Variants in IL20RA observed in about 807,000 individuals in gnomAD.
IL20RA encodes interleukin 20 receptor subunit alpha, also known as interleukin-20 receptor subunit alpha.
In IL20RA, 29 loss-of-function variants were observed where a neutral mutation model predicts 36.5. The ratio of observed to expected loss-of-function variants is 0.79; its 90% CI spans 0.59 to 1.08. The LOEUF is 1.08. Ranked by LOEUF, IL20RA falls within the 50% of genes least tolerant of loss-of-function variation. The pLI is 0.00. For missense variants in IL20RA, 652 were observed against 668.4 expected (o/e 0.98, Z 0.27); for synonymous variants, 279 against 267.1 (o/e 1.04, Z -0.43).
chr6:137,004,332 C>T (rs899498633), intron 6 of IL20RA, among the ~76,000 whole-genome samples: 1 of 151,910 alleles, frequency 6.6e-6, no homozygotes, highest in Non-Finnish European at 1.5e-5. Context: ...TGCATTACCA[C>T]ATCCAGCTAA....
chr6:137,002,084 C>T lies in IL20RA; in HGVS notation c.1136G>A (p.Gly379Asp), dbSNP rs373486228. 4 of 1,614,084 alleles carry T rather than the reference C, an allele frequency of 2.5e-6. No homozygotes were observed. Among genetic ancestry groups the T allele is most frequent in the African/African-American group, 2.7e-5 (2 of 74,996 alleles). The change falls in exon 7 of 7, where the codon GGT becomes GAT. Residue 379 changes from glycine (G) to aspartate (D), a missense_variant. By Grantham distance (94) the Gly-to-Asp change is moderately conservative. Coordinates refer to ENST00000316649, the MANE Select transcript of IL20RA (RefSeq NM_014432.4). ...IFCDSEENTE[G>D]TSLTQQESLS... is the part of the protein sequence containing the mutation. ...GGACTCTTGCTGGGTGAGAGAAGTA[C>T]CTTCCGTGTTTTCTTCAGAGTCACA...
rs907997562 is a variant in IL20RA at position 137,011,494 on chromosome 6, T to C, written c.225-42A>G. 24 of 1,293,942 alleles carry C rather than the reference T, an allele frequency of 1.9e-5. No individual in the cohort carries two copies. The South Asian group carries it at 2.7e-4, about 15-fold the overall frequency. The allele number at this position is 1,293,942 out of a possible 1,614,324, so 80.2% of individuals were successfully genotyped here. ...TGAATTAATAATGAGGTGCCCTCTA[T>C]ACTTTACAATAAAAAAACTCAGTCA... On this transcript the variant is annotated intron_variant, in intron 2 of 6. Transcript: ENST00000316649.
At chr6:137,027,764 G>A (rs953401798) in intron 1 of IL20RA, among the ~76,000 whole-genome samples, 1 of 152,220 alleles carries the variant, frequency 6.6e-6, no homozygotes, top group African/African-American at 2.4e-5. Context: ...TAGAGGCCCA[G>A]GGAGGTTGAA....
chr6:137,011,732 T>A (rs779662895), intron 2 of IL20RA, among the ~76,000 whole-genome samples: 1 of 152,220 alleles, frequency 6.6e-6, no homozygotes, highest in Non-Finnish European at 1.5e-5. Flanking sequence ...ATTCTTTGGC[T>A]ACAGTGAAAT....
intron 2 of IL20RA, among the ~76,000 whole-genome samples, chr6:137,016,730 C>T (rs1209461463): frequency 6.6e-6 from 1 of 152,144 alleles, no homozygotes; most frequent in Admixed American, 6.5e-5. Flanking sequence ...TTATTAGAAA[C>T]TTCTTTTCTC....
At chr6:137,043,458 C>G (rs189691984) in intron 1 of IL20RA, among the ~76,000 whole-genome samples, 87 of 152,158 alleles carry the variant, frequency 5.7e-4, no homozygotes, top group African/African-American at 2.0e-3. Context: ...GTTGAAGGCT[C>G]AATATTTGCA....
In IL20RA at chr6:137,004,875, T is replaced by G. The variant is rs1775224698; in HGVS notation, c.725-115A>C. On this transcript the variant is annotated intron_variant, in intron 5 of 6. Transcript: ENST00000316649. Reference sequence around the variant, plus strand: ...CTGCTTCTGTGCAGATCACTTACATTTGGGAACTCAGTTTTCTCACCTCTA... The same window carrying G: ...CTGCTTCTGTGCAGATCACTTACATGTGGGAACTCAGTTTTCTCACCTCTA... 5 of 973,324 alleles carry G rather than the reference T, an allele frequency of 5.1e-6. No individual in the cohort carries two copies. In the South Asian group the frequency reaches 6.7e-5, roughly 13 times the overall value. The allele number at this position is 973,324 out of a possible 1,614,324, so 60.3% of individuals were successfully genotyped here.
rs1446894101 is a variant in IL20RA at position 137,008,631 on chromosome 6, G to C, written c.692C>G (p.Pro231Arg). The C allele has an allele frequency of 6.2e-7, 1 of 1,605,504 alleles. No homozygotes were observed. Among genetic ancestry groups the C allele is most frequent in the East Asian group, 2.2e-5 (1 of 44,522 alleles). The change falls in exon 5 of 7, where the codon CCT becomes CGT. Residue 231 changes from proline to arginine, a missense_variant. Transcript: ENST00000316649. The stretch of plus-strand genomic sequence containing the variant: ...AGTCCTGGCACACTGCTTCTCAGAA[G>C]GCTGAGCACGGCGAGGGGGCCCTGG... ...FVPGPPRRAQ[P>R]SEKQCARTLK... is the part of the protein sequence containing the mutation.
chr6:137,043,619 T>C (rs940605250), intron 1 of IL20RA, among the ~76,000 whole-genome samples: 4 of 152,198 alleles, frequency 2.6e-5, no homozygotes, highest in African/African-American at 9.7e-5. Flanking sequence ...TTTCTTATTG[T>C]TGTAACTATA....
Position 137,001,886 on chromosome 6 carries a change from G to A in IL20RA, c.1334C>T (p.Thr445Met). 7 of 1,613,776 alleles carry A rather than the reference G, an allele frequency of 4.3e-6. No individual in the cohort carries two copies. Among genetic ancestry groups the A allele is most frequent in the Non-Finnish European group, 5.9e-6 (7 of 1,179,910 alleles). ...CTGAGGGGTGTATGAGTACTGTAAC[G>A]TTTGCGGGCCCAAGACTGCCAACGC... ...QAALAVLGPQTLQYSYTPQLQ... is the reference protein window; with the variant it reads ...QAALAVLGPQMLQYSYTPQLQ... The change falls in exon 7 of 7, where the codon ACG (threonine) becomes ATG (methionine). Residue 445 changes from threonine to methionine, a missense_variant. Thr to Met is a moderately conservative substitution (Grantham distance 81, BLOSUM62 -1). Transcript: ENST00000316649.
intron 4 of IL20RA, 174 bp from the exon 5 acceptor site, chr6:137,008,917 T>C (rs1435831645): frequency 1.1e-5 from 5 of 468,226 alleles, no homozygotes; most frequent in Non-Finnish European, 1.8e-5. Context: ...TCTTTTCCTT[T>C]AGCTCAGCAG....
At chr6:137,041,306 G>T (rs1776684657) in intron 1 of IL20RA, among the ~76,000 whole-genome samples, 1 of 152,190 alleles carries the variant, frequency 6.6e-6, no homozygotes, top group Non-Finnish European at 1.5e-5. Flanking sequence ...AAAAATGGGT[G>T]ATACTCCAGC....
Position 137,011,484 on chromosome 6 carries a change from G to A in IL20RA, c.225-32C>T, listed in dbSNP as rs574128582. 3 of 1,503,570 alleles carry A rather than the reference G, an allele frequency of 2.0e-6. No homozygotes were observed. The South Asian group carries it at 3.5e-5, about 18-fold the overall frequency. 93.1% of individuals were successfully genotyped at this position (1,503,570 alleles called of 1,614,324 possible). A position where few individuals can be genotyped will look rare whatever the true frequency, so the allele number is the denominator to read the frequency against. Reference sequence around the variant, plus strand: ...AGAAAGAAGCTGAATTAATAATGAGGTGCCCTCTATACTTTACAATAAAAA... The same window carrying A: ...AGAAAGAAGCTGAATTAATAATGAGATGCCCTCTATACTTTACAATAAAAA... On this transcript the variant is annotated intron_variant, in intron 2 of 6. Coordinates refer to ENST00000316649, the MANE Select transcript of IL20RA (RefSeq NM_014432.4).
intron 5 of IL20RA, among the ~76,000 whole-genome samples, chr6:137,007,376 C>T (rs777472369): frequency 9.2e-5 from 14 of 152,114 alleles, no homozygotes; most frequent in African/African-American, 2.7e-4. Context: ...ACAGTTTCAT[C>T]GTGAAAGGTG....
intron 1 of IL20RA, chr6:137,037,886 T>C (rs1020377928): frequency 6.6e-6 from 1 of 152,158 alleles, no homozygotes; most frequent in African/African-American, 2.4e-5. Flanking sequence ...TAACAGTGAG[T>C]GAAAATTGAA....
At chr6:137,027,332 A>G (rs1776127969) in intron 1 of IL20RA, among the ~76,000 whole-genome samples, 3 of 151,900 alleles carry the variant, frequency 2.0e-5, no homozygotes, top group Non-Finnish European at 4.4e-5. Context: ...CCTAACCACC[A>G]CCTCACTATT....
intron 2 of IL20RA, among the ~76,000 whole-genome samples, chr6:137,013,748 C>T (rs1775574213): frequency 6.6e-6 from 1 of 152,138 alleles, no homozygotes; most frequent in Non-Finnish European, 1.5e-5. Flanking sequence ...TAATCTGTAA[C>T]CTTCCCAGCT....
intron 1 of IL20RA, among the ~76,000 whole-genome samples, 181 bp from the exon 2 acceptor site, chr6:137,017,284 T>G (rs1377241269): frequency 1.3e-5 from 2 of 152,162 alleles, no homozygotes. Context: ...AGCCAGGACT[T>G]TTGCTTTTCA....
intron 5 of IL20RA, among the ~76,000 whole-genome samples, chr6:137,005,870 C>T (rs1775259975): frequency 6.6e-6 from 1 of 152,130 alleles, no homozygotes; most frequent in Non-Finnish European, 1.5e-5. Flanking sequence ...CTCCAGCCTG[C>T]CTATCCTATA....
Sources: allele counts gnomAD v4.1 joint callset (sites outside exome capture counted in the v4.1 genomes callset), GRCh38; gene constraint gnomAD v4.1.1; transcripts MANE v1.5; gene names NCBI Gene and HGNC (gene_info 2026-07-23, HGNC 2026-07-21).